PTK2: variants seen among roughly 807,000 people sequenced by gnomAD.
The protein encoded by PTK2 is protein tyrosine kinase 2.
In PTK2, 45 loss-of-function variants were observed where a neutral mutation model predicts 150.1. The observed-to-expected ratio is 0.30, with a 90% CI of 0.24 to 0.38. PTK2 has a LOEUF of 0.38. Ranked by LOEUF, PTK2 falls within the 10% of genes least tolerant of loss-of-function variation. The probability of loss-of-function intolerance (pLI) is 1.00; values close to 1 mark genes in which losing one functional copy is unlikely to be tolerated. For missense variants in PTK2, 919 were observed against 1,307.3 expected (o/e 0.70, Z 4.58); for synonymous variants, 432 against 449.2 (o/e 0.96, Z 0.48).
intron 5 of PTK2, among the ~76,000 whole-genome samples, chr8:140,853,480 G>C (rs2100130658): frequency 6.6e-6 from 1 of 151,270 alleles, no homozygotes; most frequent in Admixed American, 6.6e-5. Context: ...TGAGAATGAT[G>C]GTTTCCAGCT....
intron 8 of PTK2, among the ~76,000 whole-genome samples, chr8:140,820,076 G>GTTTTTTTTTTTTTTTTTTTTTTTTTTT (rs370537018): frequency 4.0e-5 from 2 of 50,194 alleles, no homozygotes; most frequent in Non-Finnish European, 8.3e-5. Flanking sequence ...TCTGACTTTG[G>GTTTTTTTTTTTTTTTTTTTTTTTTTTT]TTTTTTTTTT....
At chr8:140,801,948 A>T (rs1481356790) in intron 11 of PTK2, among the ~76,000 whole-genome samples, 2 of 152,188 alleles carry the variant, frequency 1.3e-5, no homozygotes, top group African/African-American at 4.8e-5. Context: ...GGTGTAAAAA[A>T]AATCTACTGT....
At chr8:140,917,459 T>C (rs1046469331) in intron 2 of PTK2, among the ~76,000 whole-genome samples, 15 of 152,032 alleles carry the variant, frequency 9.9e-5, no homozygotes, top group Non-Finnish European at 7.4e-5. Context: ...AGCCACCCAC[T>C]ATGGGCAGAG....
At chr8:140,666,599 T>C (rs1308644926) in intron 30 of PTK2, among the ~76,000 whole-genome samples, 1 of 152,090 alleles carries the variant, frequency 6.6e-6, no homozygotes, top group Non-Finnish European at 1.5e-5. Flanking sequence ...AACCCCAAGC[T>C]TCAAAATAAC....
At chr8:140,811,929 T>A (rs2100101818) in intron 10 of PTK2, among the ~76,000 whole-genome samples, 1 of 152,106 alleles carries the variant, frequency 6.6e-6, no homozygotes, top group South Asian at 2.1e-4. Context: ...AGAGACCAAA[T>A]CTATGTCTCA....
chr8:140,687,710 CT>C (rs961451817), intron 26 of PTK2, among the ~76,000 whole-genome samples: 1 of 152,166 alleles, frequency 6.6e-6, no homozygotes, highest in African/African-American at 2.4e-5. Flanking sequence ...TCCTACTAGG[CT>C]TTTTGTCTCT....
chr8:140,844,717 A>G (rs2100124303), intron 7 of PTK2, among the ~76,000 whole-genome samples: 1 of 152,076 alleles, frequency 6.6e-6, no homozygotes, highest in Non-Finnish European at 1.5e-5. Context: ...GGTGCCTTCC[A>G]CTGAAGAATG....
At chr8:140,737,677 C>T (rs2100053373) in intron 21 of PTK2, among the ~76,000 whole-genome samples, 1 of 152,152 alleles carries the variant, frequency 6.6e-6, no homozygotes, top group Non-Finnish European at 1.5e-5. Context: ...GAGTGGAAAG[C>T]AAGGACAACT....
At chr8:140,831,861 C>T (rs2100115611) in intron 7 of PTK2, among the ~76,000 whole-genome samples, 1 of 152,140 alleles carries the variant, frequency 6.6e-6, no homozygotes, top group East Asian at 1.9e-4. Flanking sequence ...CAAGTTCCTC[C>T]TTTTCATTTT....
intron 1 of PTK2, among the ~76,000 whole-genome samples, chr8:140,968,395 C>A (rs933917108): frequency 6.6e-6 from 1 of 151,996 alleles, no homozygotes; most frequent in East Asian, 1.9e-4. Flanking sequence ...AAAAAAAAAT[C>A]GTTTTTAATT....
chr8:140,833,944 C>G (rs960114486), intron 7 of PTK2, among the ~76,000 whole-genome samples: 2 of 152,168 alleles, frequency 1.3e-5, no homozygotes, highest in African/African-American at 4.8e-5. Context: ...TAGGTTAGAA[C>G]TGTGTTGTCC....
chr8:140,827,553 G>A lies in PTK2; in HGVS notation c.648+2919C>T, dbSNP rs1404986362. Among the ~76,000 whole-genome samples, 4 of 152,090 alleles carry A rather than the reference G, an allele frequency of 2.6e-5. No individual in the cohort carries two copies. In the East Asian group the frequency reaches 5.8e-4, roughly 22 times the overall value. On this transcript the variant is annotated intron_variant, in intron 8 of 31. Coordinates refer to ENST00000522684, the Ensembl canonical transcript of PTK2. ...AGGAGGGTTTTTTTTAGGGGGGTGG[G>A]GATGGAGAGCAGTAGGGAAGGCATA...
intron 26 of PTK2, among the ~76,000 whole-genome samples, chr8:140,698,926 T>TA (rs1437255353): frequency 8.4e-6 from 1 of 119,292 alleles, no homozygotes; most frequent in Non-Finnish European, 1.6e-5. Flanking sequence ...ATTTTTGTAT[T>TA]TTTTTTTTTT....
intron 23 of PTK2, among the ~76,000 whole-genome samples, chr8:140,714,418 G>A (rs2154231009): frequency 6.6e-6 from 1 of 150,630 alleles, no homozygotes; most frequent in East Asian, 1.9e-4. Flanking sequence ...AGCAGCTCAA[G>A]AGAGCTTGGG....
chr8:140,885,371 G>T (rs2154607227), intron 3 of PTK2, among the ~76,000 whole-genome samples: 1 of 152,272 alleles, frequency 6.6e-6, no homozygotes, highest in South Asian at 2.1e-4. Context: ...GCACTTGGCT[G>T]TTTGCCTGCT....
intron 4 of PTK2, among the ~76,000 whole-genome samples, chr8:140,865,063 T>G (rs13265942): frequency 0.42 from 63,769 of 152,028 alleles, 15,223 homozygotes; most frequent in Non-Finnish European, 0.55. Context: ...TCTATATCTT[T>G]GCCTCCACTT....
At chr8:140,682,208 CCT>C (rs2100017419) in intron 27 of PTK2, among the ~76,000 whole-genome samples, 1 of 152,038 alleles carries the variant, frequency 6.6e-6, no homozygotes, top group African/African-American at 2.4e-5. Flanking sequence ...ATTGTGAAAC[CCT>C]GTCTTTACTA....
intron 7 of PTK2, among the ~76,000 whole-genome samples, chr8:140,839,088 G>T (rs1256295027): frequency 6.6e-6 from 1 of 152,016 alleles, no homozygotes; most frequent in Admixed American, 6.5e-5. Context: ...AATGAAGAAT[G>T]TTTAGGCAAC....
intron 1 of PTK2, among the ~76,000 whole-genome samples, chr8:140,942,211 A>C (rs1429554096): frequency 6.6e-6 from 1 of 152,180 alleles, no homozygotes; most frequent in Admixed American, 6.5e-5. Flanking sequence ...TAGCAGTTTA[A>C]AACATAAATG....
Sources: allele counts gnomAD v4.1 joint callset (sites outside exome capture counted in the v4.1 genomes callset), GRCh38; gene constraint gnomAD v4.1.1; transcripts MANE v1.5; gene names NCBI Gene and HGNC (gene_info 2026-07-23, HGNC 2026-07-21).